CHD2: variants seen among roughly 807,000 people sequenced by gnomAD.
CHD2 encodes the protein ATP-dependent chromatin remodeler CHD2.
CHD2 carries 28 observed loss-of-function variants against 243.9 expected under a neutral mutation model. That is an observed-to-expected ratio of 0.11 (90% CI 0.09 to 0.16). CHD2 has a LOEUF of 0.16. Ranked by LOEUF, CHD2 falls within the 10% of genes least tolerant of loss-of-function variation. The probability of loss-of-function intolerance (pLI) is 1.00; values close to 1 mark genes in which losing one functional copy is unlikely to be tolerated. For synonymous variants in CHD2, 775 were observed against 779.0 expected (o/e 0.99, Z 0.09); for missense variants, 1,386 against 2,209.8 (o/e 0.63, Z 7.47).
rs1194866781 is a variant in CHD2 at position 93,026,483 on chromosome 15, T to C, written c.*1778T>C. On this transcript the variant is annotated 3_prime_UTR_variant, in exon 39 of 39. Transcript: ENST00000394196. The stretch of plus-strand genomic sequence containing the variant: ...TGAGGGTCTGGGTCCCGGAAGCTTG[T>C]GTTGAGAGCTCAGTGGACCCACCCC... 6.6e-6 allele frequency: 1 copy of C among 152,252 alleles called. No individual in the cohort carries two copies. Among genetic ancestry groups the C allele is most frequent in the South Asian group, 2.1e-4 (1 of 4,826 alleles). The allele number at this position is 152,252 out of a possible 1,614,324, so 9.4% of individuals were successfully genotyped here. A position where few individuals can be genotyped will look rare whatever the true frequency, so the allele number is the denominator to read the frequency against.
intron 4 of CHD2, among the ~76,000 whole-genome samples, chr15:92,927,959 A>G (rs1212832745): frequency 1.3e-5 from 2 of 152,036 alleles, no homozygotes; most frequent in Admixed American, 1.3e-4. Context: ...TTTGTGTGAT[A>G]TTTTTGTGGA....
intron 26 of CHD2, among the ~76,000 whole-genome samples, chr15:92,987,855 C>CT (rs1307591204): frequency 2.0e-5 from 3 of 149,896 alleles, no homozygotes; most frequent in Non-Finnish European, 3.0e-5. Context: ...AAAAAAAAAA[C>CT]TTTTTTTTTC....
intron 20 of CHD2, 139 bp downstream of exon 20, chr15:92,975,089 C>T (rs2053890179): frequency 3.1e-6 from 2 of 645,020 alleles, no homozygotes; most frequent in Non-Finnish European, 5.3e-6. Flanking sequence ...AGAAATCTCT[C>T]ATATAAAAGA....
chr15:93,002,360 C>T, intron 33 of CHD2, 43 bp downstream of exon 33: 1 of 1,565,578 alleles, frequency 6.4e-7, no homozygotes, highest in Non-Finnish European at 8.6e-7. Context: ...ACAGCCTTTG[C>T]AATTCGCCAT....
Position 92,998,175 on chromosome 15 carries a change from GA to G in CHD2, c.3886-323del. ...TCCAGGGATTCCCTGCTCCTGGAAG[GA>G]GGAAATCCACGACGGCTGGGATGCT... On this transcript the variant is annotated intron_variant, in intron 30 of 38. Coordinates refer to ENST00000394196, the MANE Select transcript of CHD2 (RefSeq NM_001271.4). The surrounding 1 kb of genome is among the most constrained non-coding windows in gnomAD (Gnocchi z 5.1). The G allele has an allele frequency of 9.6e-7, 1 of 1,039,190 alleles. No homozygotes were observed. The highest frequency in any genetic ancestry group is 1.7e-5 in the African/African-American group (1 of 59,346). The allele number at this position is 1,039,190 out of a possible 1,614,324, so 64.4% of individuals were successfully genotyped here.
intron 25 of CHD2, among the ~76,000 whole-genome samples, chr15:92,985,060 A>G (rs185223452): frequency 2.2e-4 from 33 of 152,340 alleles, no homozygotes; most frequent in African/African-American, 7.9e-4. Context: ...GTAAATCAGT[A>G]TGAGGTAACA....
At position 93,009,237 on chromosome 15, in the gene CHD2, C is replaced by T; in HGVS notation, c.4506C>T (p.Thr1502=). 1.9e-6 allele frequency: 3 copies of T among 1,614,192 alleles called. No homozygotes were observed. Among genetic ancestry groups the T allele is most frequent in the Non-Finnish European group, 2.5e-6 (3 of 1,180,028 alleles). The change falls in exon 35 of 39, where the codon ACC becomes ACT. Residue 1502 remains threonine (T), a synonymous_variant. Coordinates refer to ENST00000394196, the MANE Select transcript of CHD2 (RefSeq NM_001271.4). ...ACGTGCAAGAACAGCTGGAACACAC[C>T]CGGAACTGCCTGCTGAAAATCGGAG... ...GLNVQEQLEH[T]RNCLLKIGDR... is the part of the protein sequence containing the mutation.
At chr15:92,916,765 G>T (rs887022247) in intron 2 of CHD2, among the ~76,000 whole-genome samples, 3 of 152,110 alleles carry the variant, frequency 2.0e-5, no homozygotes, top group Non-Finnish European at 4.4e-5. Flanking sequence ...TGTGGTCCAG[G>T]ATTGTCTCAG....
rs1443730022 is a variant in CHD2 at position 93,009,290 on chromosome 15, A to T, written c.4559A>T (p.Tyr1520Phe). The T allele has an allele frequency of 2.5e-6, 4 of 1,614,012 alleles. No homozygotes were observed. The highest frequency in any genetic ancestry group is 3.4e-6 in the Non-Finnish European group (4 of 1,180,010). ...CGGATAGCCGAGTGCCTTAAAGCCTACTCAGATCAGGAGCACATCAAACTC... is the reference window on the plus strand; with the variant it reads ...CGGATAGCCGAGTGCCTTAAAGCCTTCTCAGATCAGGAGCACATCAAACTC... ...GDRIAECLKA[Y>F]SDQEHIKLWR... Residue 1520 changes from tyrosine to phenylalanine, a missense_variant, in exon 35 of 39, where the codon TAC becomes TTC. Around this residue, in one of 19 missense-constraint regions of CHD2, gnomAD observed 42 missense variants for 47.6 expected, o/e 0.88. Transcript: ENST00000394196.
rs71877681 is a variant in CHD2 at position 92,908,003 on chromosome 15, A to ATTT, written c.62+6726_62+6728dup. Among the ~76,000 whole-genome samples the ATTT allele has an allele frequency of 2.0e-3, 215 of 107,574 alleles. 1 individual carries two copies. Among genetic ancestry groups the ATTT allele is most frequent in the South Asian group, 6.7e-3 (21 of 3,140 alleles). The allele number at this position is 107,574 out of a possible 152,430, so 70.6% of individuals were successfully genotyped here. A position where few individuals can be genotyped will look rare whatever the true frequency, so the allele number is the denominator to read the frequency against. Reference sequence around the variant, plus strand: ...GTTTTACAGTTCATCCTCTCTTAGAATTTTTTTTTTTTTTTTTTTTTTTTG... The same window carrying ATTT: ...GTTTTACAGTTCATCCTCTCTTAGAATTTTTTTTTTTTTTTTTTTTTTTTTTTG... On this transcript the variant is annotated intron_variant, in intron 2 of 38. Transcript: ENST00000394196.
intron 2 of CHD2, among the ~76,000 whole-genome samples, chr15:92,912,978 T>C (rs1011063621): frequency 2.0e-5 from 3 of 152,236 alleles, no homozygotes; most frequent in Non-Finnish European, 4.4e-5. Flanking sequence ...TGCACTGTTC[T>C]CTTTCCCTTG....
rs138183076 is a variant in CHD2 at position 92,948,157 on chromosome 15, C to T, written c.1378-795C>T. ...TTTAAGCTTCTGGGGGTGAAAACAA[C>T]CTTCCCTTCAGAAGCTTGTTTCTGA... On this transcript the variant is annotated intron_variant, in intron 12 of 38. Coordinates refer to ENST00000394196, the MANE Select transcript of CHD2 (RefSeq NM_001271.4). Among the ~76,000 whole-genome samples, 24 of 152,270 alleles carry T rather than the reference C, an allele frequency of 1.6e-4. No homozygotes were observed. In the East Asian group the frequency reaches 4.6e-3, roughly 29 times the overall value.
At position 92,924,517 on chromosome 15, in the gene CHD2, G is replaced by C. The variant is rs778950858; in HGVS notation, c.259G>C (p.Ala87Pro). 6.2e-7 allele frequency: 1 copy of C among 1,614,042 alleles called. No individual in the cohort carries two copies. Among genetic ancestry groups the C allele is most frequent in the Non-Finnish European group, 8.5e-7 (1 of 1,180,006 alleles). The change falls in exon 3 of 39, where the codon GCC (alanine) becomes CCC (proline). Residue 87 changes from alanine to proline, a missense_variant. By Grantham distance (27) the Ala-to-Pro change is conservative. Coordinates refer to ENST00000394196, the MANE Select transcript of CHD2 (RefSeq NM_001271.4). ...CCTCCCAGAAGCCAAAGAGAAGCCA[G>C]CCTCTAAGAAGGAACGGATAGCTGA... ...PVLPEAKEKP[A>P]SKKERIADVK...
intron 19 of CHD2, among the ~76,000 whole-genome samples, chr15:92,973,127 G>A (rs537525650): frequency 7.2e-5 from 11 of 152,298 alleles, no homozygotes; most frequent in South Asian, 6.2e-4. Flanking sequence ...CCCCCCAAAA[G>A]TTGACCCTGG....
rs1064794584 is a variant in CHD2, at chr15:92,924,365, A to T, written c.107A>T (p.Gln36Leu). The change falls in exon 3 of 39, where the codon CAG becomes CTG. Residue 36 changes from glutamine to leucine, a missense_variant. Around this residue, in one of 19 missense-constraint regions of CHD2, gnomAD observed 89 missense variants for 102.4 expected, o/e 0.87. Transcript: ENST00000394196. ...GCTTCGGGTTCAGACTCAGGCAGTC[A>T]GTCGGAAAGTGAGCAGGGAAGTGAT... The part of the protein sequence containing the change: ...EEASGSDSGS[Q>L]SESEQGSDPG... The T allele has an allele frequency of 1.2e-6, 2 of 1,614,006 alleles. No individual in the cohort carries two copies. Among genetic ancestry groups the T allele is most frequent in the Non-Finnish European group, 1.7e-6 (2 of 1,180,018 alleles).
chr15:92,992,073 C>T (rs1017061756), intron 27 of CHD2, among the ~76,000 whole-genome samples: 7 of 152,160 alleles, frequency 4.6e-5, no homozygotes, highest in Admixed American at 3.3e-4. Context: ...TGAAATGGTT[C>T]GGTACTTTAC....
intron 26 of CHD2, among the ~76,000 whole-genome samples, chr15:92,985,967 A>G (rs2054037472): frequency 6.6e-6 from 1 of 152,208 alleles, no homozygotes; most frequent in African/African-American, 2.4e-5. Flanking sequence ...ACATACATGT[A>G]TATACAGACT....
intron 15 of CHD2, 89 bp downstream of exon 15, chr15:92,955,601 G>T (rs1479156887): frequency 4.1e-6 from 3 of 740,206 alleles, no homozygotes; most frequent in Non-Finnish European, 6.3e-6. Flanking sequence ...GAGCATGTTA[G>T]AAATAAATAC....
chr15:92,924,255 T>C, intron 2 of CHD2, 66 bp from the exon 3 acceptor site: 1 of 1,426,874 alleles, frequency 7.0e-7, no homozygotes, highest in Non-Finnish European at 9.7e-7. Context: ...CATGAGAATT[T>C]TTTTTTAAGC....
Sources: allele counts gnomAD v4.1 joint callset (sites outside exome capture counted in the v4.1 genomes callset), GRCh38; gene constraint gnomAD v4.1.1; regional missense constraint gnomAD v4.1.1; non-coding constraint Gnocchi (gnomAD v3.1); transcripts MANE v1.5; gene names NCBI Gene and HGNC (gene_info 2026-07-23, HGNC 2026-07-21).